The following RAB3B variants were observed in gnomAD, a reference collection of about 807,000 sequenced individuals.
RAB3B encodes RAB3B, member RAS oncogene family, also known as ras-related protein Rab-3B.
Under a neutral mutation model 20.5 loss-of-function variants are expected in RAB3B, and 11 were observed. The ratio of observed to expected loss-of-function variants is 0.54; its 90% CI spans 0.34 to 0.89. The LOEUF is 0.89. Among genes scored for constraint, RAB3B ranks in the 40% least tolerant of loss-of-function variants. The pLI is 0.02. For missense variants in RAB3B, 225 were observed against 280.9 expected (o/e 0.80, Z 1.42); for synonymous variants, 99 against 106.3 (o/e 0.93, Z 0.42).
intron 2 of RAB3B, among the ~76,000 whole-genome samples, chr1:51,949,669 G>A (rs1684610929): frequency 6.6e-6 from 1 of 152,228 alleles, no homozygotes; most frequent in Non-Finnish European, 1.5e-5. Flanking sequence ...CCAGAGGGGT[G>A]TTACAGTGTG....
chr1:51,933,533 T>C, intron 3 of RAB3B, 91 bp from the exon 4 acceptor site: 1 of 1,263,048 alleles, frequency 7.9e-7, no homozygotes, highest in Non-Finnish European at 1.1e-6. Flanking sequence ...TGAAGCCTAA[T>C]CCCCAATGTA....
chr1:51,958,247 G>A (rs1392445255), intron 2 of RAB3B, among the ~76,000 whole-genome samples: 1 of 152,134 alleles, frequency 6.6e-6, no homozygotes, highest in Non-Finnish European at 1.5e-5. Flanking sequence ...TGCATTCAGG[G>A]CCCACTTAGT....
chr1:51,927,432 G>T (rs993279413), intron 4 of RAB3B, among the ~76,000 whole-genome samples: 2 of 152,160 alleles, frequency 1.3e-5, no homozygotes, highest in South Asian at 4.1e-4. Context: ...CTAATTCCTA[G>T]TCTGGGCGTG....
rs1392265487 is a variant in RAB3B at position 51,911,585 on chromosome 1, A to T, written c.*8342T>A. ...AGCTTTCTATCAGAATCAAAGGAAG[A>T]GGTGATCAGCCAAGCCTCCAAACCA... is the stretch of plus-strand genomic sequence containing the variant. On this transcript the variant is annotated 3_prime_UTR_variant, in exon 5 of 5. Coordinates refer to ENST00000371655, the MANE Select transcript of RAB3B (RefSeq NM_002867.4). 1 of 152,208 alleles carries T rather than the reference A, an allele frequency of 6.6e-6. No homozygotes were observed. Among genetic ancestry groups the T allele is most frequent in the Non-Finnish European group, 1.5e-5 (1 of 68,034 alleles). 9.4% of individuals were successfully genotyped at this position (152,208 alleles called of 1,614,324 possible).
chr1:51,943,537 T>G (rs1430396288), intron 2 of RAB3B, among the ~76,000 whole-genome samples: 1 of 152,226 alleles, frequency 6.6e-6, no homozygotes. Context: ...AGAACTGAGA[T>G]GGGCCGAAAG....
In RAB3B at chr1:51,919,979, T is replaced by C. The variant is rs1196798628; in HGVS notation, c.608A>G (p.Asn203Ser). Residue 203 changes from asparagine to serine, a missense_variant, in exon 5 of 5, where the codon AAC (asparagine) becomes AGC (serine). Asn to Ser is a conservative substitution (Grantham distance 46). Transcript: ENST00000371655. ...CGGTGGGGTGTCCGAGAGACGCGTG[T>C]TCTTGGAGGAGCCCAGCATCGACGG... ...TDPSMLGSSK[N>S]TRLSDTPPLL... The C allele has an allele frequency of 6.2e-7, 1 of 1,614,082 alleles. No homozygotes were observed. The highest frequency in any genetic ancestry group is 1.1e-5 in the South Asian group (1 of 91,066).
chr1:51,958,604 T>C (rs539082474), intron 2 of RAB3B, among the ~76,000 whole-genome samples: 26 of 152,108 alleles, frequency 1.7e-4, no homozygotes, highest in African/African-American at 6.0e-4. Context: ...ATGCCTGTAA[T>C]CCCAGTTACT....
chr1:51,984,297 A>AT (rs1685125536), intron 1 of RAB3B, among the ~76,000 whole-genome samples: 2 of 107,710 alleles, frequency 1.9e-5, no homozygotes, highest in African/African-American at 6.4e-5. Context: ...AAAAAAAAAA[A>AT]GCATGAACGA....
At chr1:51,978,310 G>A (rs1038520822) in intron 1 of RAB3B, among the ~76,000 whole-genome samples, 6 of 152,188 alleles carry the variant, frequency 3.9e-5, no homozygotes, top group Non-Finnish European at 8.8e-5. Context: ...TGGAAAATGG[G>A]GAGAACAATT....
chr1:51,962,372 T>C (rs1332763110), intron 2 of RAB3B, among the ~76,000 whole-genome samples: 1 of 152,186 alleles, frequency 6.6e-6, no homozygotes, highest in Non-Finnish European at 1.5e-5. Context: ...CAATTATTGA[T>C]GTGTGAAGTC....
At position 51,913,236 on chromosome 1, in the gene RAB3B, G is replaced by A. The variant is rs1377388740; in HGVS notation, c.*6691C>T. Reference sequence around the variant, plus strand: ...GCATCAAAACTTCTTCATCTCGAGTGTCTTGATTCCTCCAAAGTAAATCCT... The same window carrying A: ...GCATCAAAACTTCTTCATCTCGAGTATCTTGATTCCTCCAAAGTAAATCCT... On this transcript the variant is annotated 3_prime_UTR_variant, in exon 5 of 5. Coordinates refer to ENST00000371655, the MANE Select transcript of RAB3B (RefSeq NM_002867.4). The A allele has an allele frequency of 6.6e-6, 1 of 152,152 alleles. No homozygotes were observed. Among genetic ancestry groups the A allele is most frequent in the Non-Finnish European group, 1.5e-5 (1 of 68,014 alleles). The allele number at this position is 152,152 out of a possible 1,614,324, so 9.4% of individuals were successfully genotyped here. A position where few individuals can be genotyped will look rare whatever the true frequency, so the allele number is the denominator to read the frequency against.
Position 51,933,444 on chromosome 1 carries a change from T to A in RAB3B, c.348-2A>T, listed in dbSNP as rs1684354958. 6.2e-7 allele frequency: 1 copy of A among 1,609,346 alleles called. No individual in the cohort carries two copies. The highest frequency in any genetic ancestry group is 8.5e-7 in the Non-Finnish European group (1 of 1,176,652). On this transcript the variant is annotated splice_acceptor_variant, in intron 3 of 4. Coordinates refer to ENST00000371655, the MANE Select transcript of RAB3B (RefSeq NM_002867.4). LOFTEE classifies it high-confidence loss of function. ...GAGTAGGTCTTGATCTGAGTAGCCC[T>A]AAAATGAGATAGAAAGAGATATGTT...
chr1:51,986,080 G>GA (rs915535363), intron 1 of RAB3B, among the ~76,000 whole-genome samples: 2 of 151,928 alleles, frequency 1.3e-5, no homozygotes, highest in African/African-American at 4.8e-5. Context: ...GCCAAAATGG[G>GA]AAAATCACTT....
At chr1:51,929,019 C>T (rs1026425629) in intron 4 of RAB3B, among the ~76,000 whole-genome samples, 1 of 152,184 alleles carries the variant, frequency 6.6e-6, no homozygotes, top group Non-Finnish European at 1.5e-5. Flanking sequence ...TTTAGGAAAC[C>T]ACCATTTTAA....
At chr1:51,943,417 ACAACAACAC>A (rs55931555) in intron 2 of RAB3B, among the ~76,000 whole-genome samples, 79,592 of 149,888 alleles carry the variant, frequency 0.53, 22,088 homozygotes, top group East Asian at 0.85. Flanking sequence ...AACAACAACA[ACAACAACAC>A]CACAATGGCC....
At chr1:51,928,614 T>A (rs772226344) in intron 4 of RAB3B, among the ~76,000 whole-genome samples, 2 of 152,086 alleles carry the variant, frequency 1.3e-5, no homozygotes, top group South Asian at 2.1e-4. Flanking sequence ...AGGCTGAACA[T>A]CCCCCTTCAC....
chr1:51,986,168 T>G (rs1571983584), intron 1 of RAB3B, among the ~76,000 whole-genome samples: 1 of 88,770 alleles, frequency 1.1e-5, no homozygotes, highest in South Asian at 3.6e-4. Flanking sequence ...TTTTTTTTTT[T>G]GAGGCAGAGT....
chr1:51,924,297 A>G (rs1251416369), intron 4 of RAB3B, among the ~76,000 whole-genome samples: 2 of 152,200 alleles, frequency 1.3e-5, no homozygotes, highest in East Asian at 3.8e-4. Context: ...TTACAGGGCA[A>G]TAAGTGTTGG....
intron 4 of RAB3B, among the ~76,000 whole-genome samples, chr1:51,924,771 A>G (rs1684221529): frequency 2.0e-5 from 3 of 152,136 alleles, no homozygotes; most frequent in Admixed American, 6.5e-5. Context: ...CACCCCACCC[A>G]ATTACTGTCA....
Sources: gnomAD v4.1 joint callset for allele counts (sites outside exome capture counted in the v4.1 genomes callset) on GRCh38, gnomAD v4.1.1 for gene constraint, MANE v1.5 for transcripts, NCBI Gene and HGNC (gene_info 2026-07-23, HGNC 2026-07-21) for gene names.